Variants in CTNNA2 observed in about 807,000 individuals in gnomAD.
The protein encoded by CTNNA2 is catenin alpha-2.
In CTNNA2, 42 loss-of-function variants were observed where a neutral mutation model predicts 101.0. The observed-to-expected ratio is 0.42, with a 90% CI of 0.32 to 0.54. The LOEUF (loss-of-function observed/expected upper bound fraction) is 0.54. Ranked by LOEUF, CTNNA2 falls within the 20% of genes least tolerant of loss-of-function variation. The pLI is 0.14. For missense variants in CTNNA2, 871 were observed against 1,223.1 expected (o/e 0.71, Z 4.29); for synonymous variants, 450 against 456.4 (o/e 0.99, Z 0.18).
Position 80,303,131 on chromosome 2 carries a change from G to T in CTNNA2, c.1057-90080G>T. On this transcript the variant is annotated intron_variant, in intron 7 of 18. Coordinates refer to ENST00000402739, the MANE Select transcript of CTNNA2 (RefSeq NM_001282597.3). The surrounding 1 kb of genome is among the most constrained non-coding windows in gnomAD (Gnocchi z 7.7). ...GAGCGAGTGCAGGGAGATGAGGCGC[G>T]GGAAGTGGGCGAAGTTCACCTTGAC... The T allele has an allele frequency of 6.2e-7, 1 of 1,614,098 alleles. No individual in the cohort carries two copies. Among genetic ancestry groups the T allele is most frequent in the Non-Finnish European group, 8.5e-7 (1 of 1,180,044 alleles).
intron 7 of CTNNA2, among the ~76,000 whole-genome samples, chr2:80,204,303 C>A (rs897381387): frequency 6.6e-6 from 1 of 152,224 alleles, no homozygotes; most frequent in African/African-American, 2.4e-5. Context: ...CGTTGTCAGG[C>A]TGCAAACTTC....
intron 6 of CTNNA2, among the ~76,000 whole-genome samples, chr2:79,896,870 TTAA>T (rs778730037): frequency 2.0e-4 from 31 of 152,118 alleles, no homozygotes; most frequent in Non-Finnish European, 4.0e-4. Context: ...CAGAGAAGAA[TTAA>T]TAACACGGTT....
In CTNNA2 at chr2:80,357,903, T is replaced by C. The variant is rs1007423914; in HGVS notation, c.1057-35308T>C. Among the ~76,000 whole-genome samples the C allele has an allele frequency of 2.6e-5, 4 of 152,240 alleles. No homozygotes were observed. In the East Asian group the frequency reaches 7.7e-4, roughly 29 times the overall value. The stretch of plus-strand genomic sequence containing the variant: ...GATTTTTTTTATTGACACTTGGTAA[T>C]ACAGGGTGCTCTTAGAACATGAGAG... On this transcript the variant is annotated intron_variant, in intron 7 of 18. Coordinates refer to ENST00000402739, the MANE Select transcript of CTNNA2 (RefSeq NM_001282597.3).
intron 3 of CTNNA2, among the ~76,000 whole-genome samples, chr2:79,787,211 T>A (rs763621771): frequency 6.6e-6 from 1 of 152,314 alleles, no homozygotes; most frequent in East Asian, 1.9e-4. Context: ...TATTGCACAC[T>A]GTATTTACTT....
chr2:80,365,229 A>G (rs779051743), intron 7 of CTNNA2, among the ~76,000 whole-genome samples: 51 of 152,104 alleles, frequency 3.4e-4, no homozygotes, highest in Admixed American at 8.5e-4. Flanking sequence ...TCTAATATCC[A>G]GTTGTTTCTA....
At chr2:79,351,718 TG>T (rs1677392518) in intron 3 of CTNNA2, among the ~76,000 whole-genome samples, 1 of 152,192 alleles carries the variant, frequency 6.6e-6, no homozygotes, top group African/African-American at 2.4e-5. Flanking sequence ...AGTTCACTTA[TG>T]ATAATGTTTC....
intron 3 of CTNNA2, among the ~76,000 whole-genome samples, chr2:79,757,692 G>A (rs1672489984): frequency 6.6e-6 from 1 of 152,198 alleles, no homozygotes; most frequent in African/African-American, 2.4e-5. Context: ...CACAGCCACA[G>A]GTGGCTCAAT....
intron 2 of CTNNA2, among the ~76,000 whole-genome samples, chr2:79,691,222 A>G (rs1383008639): frequency 6.6e-6 from 1 of 152,032 alleles, no homozygotes. Flanking sequence ...ACTAGCCTAA[A>G]TCTGCATTAT....
chr2:79,958,284 A>C (rs1689382411), intron 7 of CTNNA2, among the ~76,000 whole-genome samples: 1 of 152,166 alleles, frequency 6.6e-6, no homozygotes. Context: ...AATATCTATG[A>C]ATTAGTAACA....
intron 2 of CTNNA2, among the ~76,000 whole-genome samples, chr2:79,295,564 T>C (rs1410300909): frequency 6.6e-6 from 1 of 151,934 alleles, no homozygotes; most frequent in Non-Finnish European, 1.5e-5. Context: ...CCTCACAAAC[T>C]TTTTTTGTCC....
Position 80,303,522 on chromosome 2 carries a change from G to T in CTNNA2, c.1057-89689G>T. The T allele has an allele frequency of 1.2e-6, 2 of 1,614,254 alleles. No homozygotes were observed. The highest frequency in any genetic ancestry group is 8.5e-7 in the Non-Finnish European group (1 of 1,180,050). ...GCGTCCCCCTGCACGGAGCAGATGTGATTGTGATCCAGATAGAGCCACGTG... is the reference window on the plus strand; with the variant it reads ...GCGTCCCCCTGCACGGAGCAGATGTTATTGTGATCCAGATAGAGCCACGTG... On this transcript the variant is annotated intron_variant, in intron 7 of 18. Transcript: ENST00000402739. This position sits in a 1 kb window ranked among gnomAD's most constrained non-coding sequence, Gnocchi z 7.7.
chr2:80,225,898 TA>T (rs749880385), intron 7 of CTNNA2, among the ~76,000 whole-genome samples: 14 of 152,196 alleles, frequency 9.2e-5, no homozygotes, highest in Admixed American at 1.3e-4. Flanking sequence ...TGTGTTGTTT[TA>T]AGTGATAGCT....
At chr2:80,620,450 C>T (rs1671001854) in intron 18 of CTNNA2, among the ~76,000 whole-genome samples, 2 of 151,694 alleles carry the variant, frequency 1.3e-5, no homozygotes, top group South Asian at 4.2e-4. Flanking sequence ...TCTTTAGTAC[C>T]CTGGGGCTGG....
At chr2:79,512,772 C>A (rs1671588664), upstream of CTNNA2, among the ~76,000 whole-genome samples, 2 of 151,496 alleles carry the variant, frequency 1.3e-5, no homozygotes, top group African/African-American at 4.8e-5. Context: ...CTCCGCCCTA[C>A]CCCGCCCCGC....
At chr2:80,234,198 A>T (rs1274348400) in intron 7 of CTNNA2, among the ~76,000 whole-genome samples, 1 of 151,980 alleles carries the variant, frequency 6.6e-6, no homozygotes, top group Non-Finnish European at 1.5e-5. Context: ...TGCCCAGCTA[A>T]TTTTTGTATT....
chr2:80,451,355 C>G (rs1377771914), intron 9 of CTNNA2, among the ~76,000 whole-genome samples: 4 of 152,048 alleles, frequency 2.6e-5, no homozygotes, highest in Non-Finnish European at 5.9e-5. Context: ...GGCACTTCTC[C>G]TTTTTGCCAC....
At chr2:79,298,679 TC>T (rs1336035989) in intron 2 of CTNNA2, among the ~76,000 whole-genome samples, 1 of 152,050 alleles carries the variant, frequency 6.6e-6, no homozygotes, top group Admixed American at 6.6e-5. Flanking sequence ...AAGGTCCAAC[TC>T]CCCCTTAGAC....
At chr2:79,805,937 CAA>C (rs112752954) in intron 3 of CTNNA2, among the ~76,000 whole-genome samples, 39 of 126,140 alleles carry the variant, frequency 3.1e-4, no homozygotes, top group African/African-American at 8.5e-4. Flanking sequence ...GACTGTGTCT[CAA>C]AAAAAAAAAA....
intron 7 of CTNNA2, among the ~76,000 whole-genome samples, chr2:80,285,606 C>T (rs1272302785): frequency 1.9e-4 from 29 of 152,240 alleles, no homozygotes; most frequent in Non-Finnish European, 2.9e-5. Flanking sequence ...CCAAAATGTC[C>T]CTTTATTTTG....
Sources: allele counts gnomAD v4.1 joint callset (sites outside exome capture counted in the v4.1 genomes callset), GRCh38; gene constraint gnomAD v4.1.1; non-coding constraint Gnocchi (gnomAD v3.1); transcripts MANE v1.5; gene names NCBI Gene and HGNC (gene_info 2026-07-23, HGNC 2026-07-21).